Variants in KPNA5 observed in about 807,000 individuals in gnomAD.
KPNA5 encodes the protein importin subunit alpha-6.
Under a neutral mutation model 71.3 loss-of-function variants are expected in KPNA5, and 46 were observed. The ratio of observed to expected loss-of-function variants is 0.65; its 90% confidence interval spans 0.51 to 0.83. The LOEUF (loss-of-function observed/expected upper bound fraction) is 0.83. KPNA5 is among the 40% of genes least tolerant of loss of function. KPNA5 has a pLI of 0.00. For missense variants in KPNA5, 547 were observed against 628.3 expected (o/e 0.87, Z 1.38); for synonymous variants, 207 against 201.4 (o/e 1.03, Z -0.24).
rs146508137 is a variant in KPNA5 at position 116,734,570 on chromosome 6, T to TCTTGGCTTGG, written c.*2261_*2270dup. On this transcript the variant is annotated 3_prime_UTR_variant, in exon 14 of 14. Coordinates refer to ENST00000368564, the MANE Select transcript of KPNA5 (RefSeq NM_001366306.2). The stretch of plus-strand genomic sequence containing the variant: ...GCACTGTATAGCAGTTGGGACCAGC[T>TCTTGGCTTGG]CTTGGCTTGGCTTGGCTTGGCTTAT... The TCTTGGCTTGG allele has an allele frequency of 1.2e-4, 18 of 151,516 alleles. No individual in the cohort carries two copies. Among genetic ancestry groups the TCTTGGCTTGG allele is most frequent in the African/African-American group, 3.9e-4 (16 of 41,374 alleles). The allele number at this position is 151,516 out of a possible 1,614,324, so 9.4% of individuals were successfully genotyped here.
At chr6:116,705,644 C>A (rs1778412002) in intron 7 of KPNA5, among the ~76,000 whole-genome samples, 2 of 151,550 alleles carry the variant, frequency 1.3e-5, no homozygotes, top group Admixed American at 1.3e-4. Context: ...AAAGAAATTA[C>A]CCTATAATGT....
intron 4 of KPNA5, among the ~76,000 whole-genome samples, chr6:116,698,251 TA>T (rs984372083): frequency 2.6e-5 from 4 of 151,970 alleles, no homozygotes; most frequent in Non-Finnish European, 5.9e-5. Flanking sequence ...AACATTTCTG[TA>T]AAAAATAATT....
chr6:116,682,347 T>A (rs1010705277), intron 1 of KPNA5, among the ~76,000 whole-genome samples: 2 of 148,514 alleles, frequency 1.3e-5, no homozygotes, highest in African/African-American at 4.9e-5. Flanking sequence ...CAAAAGAATA[T>A]GACACTGGCA....
At chr6:116,729,915 T>G (rs1341649979) in intron 13 of KPNA5, among the ~76,000 whole-genome samples, 174 bp downstream of exon 13, 1 of 151,806 alleles carries the variant, frequency 6.6e-6, no homozygotes, top group Non-Finnish European at 1.5e-5. Flanking sequence ...TTTACCTTTT[T>G]TTAACATTGT....
In KPNA5 at chr6:116,729,723, C is replaced by CT. The variant is rs774459618; in HGVS notation, c.1415dup (p.Ile473HisfsTer2). ...AATAGGCATTAATCCATACTGTGCT[C>CT]TCATTGAAGAAGCATATGGTAAGCA... On this transcript the variant is annotated frameshift_variant, in exon 13 of 14. Transcript: ENST00000368564. LOFTEE classifies it high-confidence loss of function. 6.4e-7 allele frequency: 1 copy of CT among 1,554,584 alleles called. No homozygotes were observed. The highest frequency in any genetic ancestry group is 1.4e-5 in the African/African-American group (1 of 72,674).
intron 1 of KPNA5, among the ~76,000 whole-genome samples, chr6:116,688,216 G>GC (rs1017229318): frequency 1.3e-5 from 2 of 152,082 alleles, no homozygotes; most frequent in Non-Finnish European, 2.9e-5. Flanking sequence ...AAGATTTAAA[G>GC]CATGTATTTT....
At chr6:116,707,733 A>C (rs1426097062) in intron 7 of KPNA5, among the ~76,000 whole-genome samples, 1 of 152,252 alleles carries the variant, frequency 6.6e-6, no homozygotes, top group Non-Finnish European at 1.5e-5. Flanking sequence ...ATTTTTAGGA[A>C]AGCCTTTAGA....
At position 116,689,361 on chromosome 6, in the gene KPNA5, AG is replaced by A; in HGVS notation, c.47del (p.Ser16IlefsTer7). On this transcript the variant is annotated frameshift_variant, in exon 2 of 14. Coordinates refer to ENST00000368564, the MANE Select transcript of KPNA5 (RefSeq NM_001366306.2). LOFTEE classifies it high-confidence loss of function. ...SPGKDNYRMK[S>X]YKNKALNPQE... Reference sequence around the variant, plus strand: ...AGGGAAAGATAACTATAGAATGAAAAGTTATAAGAATAAAGCCCTAAATCCT... The same window carrying A: ...AGGGAAAGATAACTATAGAATGAAAATTATAAGAATAAAGCCCTAAATCCT... The A allele has an allele frequency of 6.2e-7, 1 of 1,609,402 alleles. No homozygotes were observed. Among genetic ancestry groups the A allele is most frequent in the Non-Finnish European group, 8.5e-7 (1 of 1,178,564 alleles).
intron 5 of KPNA5, among the ~76,000 whole-genome samples, chr6:116,700,364 G>C (rs562217968): frequency 2.0e-5 from 3 of 152,208 alleles, no homozygotes; most frequent in Non-Finnish European, 4.4e-5. Flanking sequence ...CATCTACTTG[G>C]GAGGCTGAAG....
At chr6:116,720,500 G>A (rs1371012394) in intron 8 of KPNA5, among the ~76,000 whole-genome samples, 5 of 151,978 alleles carry the variant, frequency 3.3e-5, no homozygotes, top group South Asian at 4.1e-4. Context: ...TTAACTCAGC[G>A]AAAAGGTATA....
chr6:116,718,146 A>C (rs1778960567), intron 8 of KPNA5, among the ~76,000 whole-genome samples: 1 of 151,926 alleles, frequency 6.6e-6, no homozygotes, highest in Non-Finnish European at 1.5e-5. Context: ...GTGTCTACCT[A>C]CTGTAACAAC....
In KPNA5 at chr6:116,740,275, A is replaced by G. The variant is rs1336969888; in HGVS notation, c.*7952A>G. 2 of 152,262 alleles carry G rather than the reference A, an allele frequency of 1.3e-5. No homozygotes were observed. Among genetic ancestry groups the G allele is most frequent in the Admixed American group, 6.5e-5 (1 of 15,282 alleles). The allele number at this position is 152,262 out of a possible 1,614,324, so 9.4% of individuals were successfully genotyped here. A position where few individuals can be genotyped will look rare whatever the true frequency, so the allele number is the denominator to read the frequency against. On this transcript the variant is annotated 3_prime_UTR_variant, in exon 14 of 14. Transcript: ENST00000368564. ...CCATCACTGGCCATCAGACAAATGC[A>G]AATCAAAACCACAATGAGATACCAT... is the stretch of plus-strand genomic sequence containing the variant.
chr6:116,738,761 C>G lies in KPNA5; in HGVS notation c.*6438C>G, dbSNP rs575238337. On this transcript the variant is annotated 3_prime_UTR_variant, in exon 14 of 14. Coordinates refer to ENST00000368564, the MANE Select transcript of KPNA5 (RefSeq NM_001366306.2). ...CCAAAGACAAAAAACACATGATTAT[C>G]TCAACAAATGCAGAAAAGGCCTTCG... 6.6e-6 allele frequency: 1 copy of G among 152,302 alleles called. No homozygotes were observed. The highest frequency in any genetic ancestry group is 2.4e-5 in the African/African-American group (1 of 41,558). 9.4% of individuals were successfully genotyped at this position (152,302 alleles called of 1,614,324 possible). A position where few individuals can be genotyped will look rare whatever the true frequency, so the allele number is the denominator to read the frequency against.
At chr6:116,687,667 A>G (rs963242022) in intron 1 of KPNA5, among the ~76,000 whole-genome samples, 1 of 152,084 alleles carries the variant, frequency 6.6e-6, no homozygotes, top group African/African-American at 2.4e-5. Flanking sequence ...TTGCCATACT[A>G]CTCAGATGGC....
intron 7 of KPNA5, among the ~76,000 whole-genome samples, chr6:116,711,951 T>C (rs1202969766): frequency 1.3e-5 from 2 of 152,184 alleles, no homozygotes; most frequent in Non-Finnish European, 2.9e-5. Context: ...GTGATACTTC[T>C]TTTTCTTTTT....
At position 116,738,530 on chromosome 6, in the gene KPNA5, G is replaced by T. The variant is rs1779751289; in HGVS notation, c.*6207G>T. 6.6e-6 allele frequency: 1 copy of T among 151,988 alleles called. No homozygotes were observed. The highest frequency in any genetic ancestry group is 2.1e-4 in the South Asian group (1 of 4,822). 9.4% of individuals were successfully genotyped at this position (151,988 alleles called of 1,614,324 possible). ...CCAGCATCATCCTGATACCAAAGCT[G>T]GGCAGAGACACAACCAAAAAAGAGA... On this transcript the variant is annotated 3_prime_UTR_variant, in exon 14 of 14. Transcript: ENST00000368564.
intron 7 of KPNA5, among the ~76,000 whole-genome samples, chr6:116,713,929 ATTGT>A (rs1322294662): frequency 2.6e-5 from 4 of 152,020 alleles, no homozygotes; most frequent in Admixed American, 2.6e-4. Context: ...TTGTTGAGAC[ATTGT>A]TTTTCTAGTT....
intron 1 of KPNA5, 35 bp from the exon 2 acceptor site, chr6:116,689,285 T>TATCA: frequency 2.5e-6 from 4 of 1,591,268 alleles, no homozygotes; most frequent in Non-Finnish European, 3.4e-6. Context: ...GAGAGTGAGT[T>TATCA]ATCAGTGTCT....
chr6:116,683,320 A>G (rs974999175), intron 1 of KPNA5, among the ~76,000 whole-genome samples: 2 of 152,238 alleles, frequency 1.3e-5, no homozygotes, highest in Non-Finnish European at 2.9e-5. Flanking sequence ...GAAAACGTTT[A>G]GAGCCAGTGG....
Sources: allele counts gnomAD v4.1 joint callset (sites outside exome capture counted in the v4.1 genomes callset), GRCh38; gene constraint gnomAD v4.1.1; transcripts MANE v1.5; gene names NCBI Gene and HGNC (gene_info 2026-07-23, HGNC 2026-07-21).